The following C4BPB variants were observed in gnomAD, a reference collection of about 807,000 sequenced individuals.
The protein encoded by C4BPB is C4b-binding protein beta chain.
A neutral mutation model predicts 26.6 loss-of-function variants in C4BPB; 19 were observed. The ratio of observed to expected loss-of-function variants is 0.71; its 90% CI spans 0.50 to 1.05. The LOEUF is 1.05. Ranked by LOEUF, C4BPB falls within the 50% of genes least tolerant of loss-of-function variation. C4BPB has a pLI of 0.00. For missense variants in C4BPB, 282 were observed against 302.9 expected, an observed-to-expected ratio of 0.93 and a Z score of 0.51; for synonymous variants, 118 against 103.5, an observed-to-expected ratio of 1.14 and a Z score of -0.85.
chr1:207,091,877 T>G, intron 4 of C4BPB, 57 bp downstream of exon 4: 1 of 1,418,098 alleles, frequency 7.1e-7, no homozygotes, highest in South Asian at 1.4e-5. Flanking sequence ...AGTCTAAACT[T>G]AGACATTTGC....
At chr1:207,096,451 G>T (rs912905245) in intron 4 of C4BPB, 71 bp from the exon 5 acceptor site, 18 of 897,996 alleles carry the variant, frequency 2.0e-5, no homozygotes, top group Non-Finnish European at 3.2e-5. Flanking sequence ...ATAAACAGCT[G>T]CAATTAGGGG....
At chr1:207,095,174 G>A in intron 4 of C4BPB, 1 of 404,852 alleles carries the variant, frequency 2.5e-6, no homozygotes, top group South Asian at 1.9e-5. Context: ...CTGCTTATCT[G>A]ATAATATTAG....
At chr1:207,096,093 C>T (rs543518835) in intron 4 of C4BPB, 11 of 225,526 alleles carry the variant, frequency 4.9e-5, no homozygotes, top group Admixed American at 3.1e-4. Context: ...TTTCACAACT[C>T]TTATCCACAG....
At chr1:207,090,553 A>T in intron 3 of C4BPB, 72 bp downstream of exon 3, 3 of 1,375,514 alleles carry the variant, frequency 2.2e-6, no homozygotes, top group Non-Finnish European at 3.0e-6. Context: ...TACTTCCTAT[A>T]GGCTGTGGTA....
chr1:207,096,258 A>C, intron 4 of C4BPB: 1 of 422,344 alleles, frequency 2.4e-6, no homozygotes, highest in Middle Eastern at 6.8e-4. Context: ...TCCTGCTGTC[A>C]GATAATACTC....
chr1:207,098,336 C>A, intron 6 of C4BPB, 72 bp downstream of exon 6: 2 of 934,574 alleles, frequency 2.1e-6, no homozygotes, highest in Admixed American at 1.9e-5. Context: ...CTGGCATATG[C>A]TCAGTATATA....
chr1:207,095,867 C>T (rs1001096961), intron 4 of C4BPB: 10 of 181,806 alleles, frequency 5.5e-5, no homozygotes, highest in African/African-American at 1.7e-4. Context: ...CTCCCTCTCT[C>T]GTTCCTGCAC....
At chr1:207,096,360 AGGTTTC>A in intron 4 of C4BPB, 156 bp from the exon 5 acceptor site, 1 of 628,288 alleles carries the variant, frequency 1.6e-6, no homozygotes, top group Non-Finnish European at 2.9e-6. Flanking sequence ...AATGAAGAAC[AGGTTTC>A]CAGATCCCGC....
chr1:207,098,303 ATC>A (rs1358791116), intron 6 of C4BPB, 39 bp downstream of exon 6: 1 of 1,229,134 alleles, frequency 8.1e-7, no homozygotes, highest in South Asian at 1.2e-5. Flanking sequence ...TCACAGCTGG[ATC>A]TCCAGGGCCT....
At chr1:207,096,691 T>C in intron 5 of C4BPB, 76 bp downstream of exon 5, 2 of 781,920 alleles carry the variant, frequency 2.6e-6, no homozygotes, top group South Asian at 3.4e-5. Context: ...CCAGTCTGTG[T>C]CCACCTGGTC....
At chr1:207,098,128 C>T (rs367884428) in intron 5 of C4BPB, 22 bp from the exon 6 acceptor site, 1 of 1,587,452 alleles carries the variant, frequency 6.3e-7, no homozygotes, top group Non-Finnish European at 8.6e-7. Flanking sequence ...AAAAGCTAAG[C>T]CTTGTTCTAA....
chr1:207,096,488 T>G (rs1684255982), intron 4 of C4BPB, 34 bp from the exon 5 acceptor site: 2 of 1,333,172 alleles, frequency 1.5e-6, no homozygotes, highest in Admixed American at 3.4e-5. Flanking sequence ...TGCCTGGCCC[T>G]CATAACTATG....
chr1:207,093,885 T>A (rs1684140349), intron 4 of C4BPB, among the ~76,000 whole-genome samples: 1 of 151,866 alleles, frequency 6.6e-6, no homozygotes. Flanking sequence ...CCCCTAGAGA[T>A]CAGTAAGGAA....
At position 207,090,218 on chromosome 1, in the gene C4BPB, A is replaced by C. The variant is rs1683970450; in HGVS notation, c.59-90A>C. ...GCACAGGAATCAGGATCAATAATCC[A>C]GCAAAAAGACATGAGAATGGGGAAA... On this transcript the variant is annotated intron_variant, in intron 2 of 6. Coordinates refer to ENST00000367078, the MANE Select transcript of C4BPB (RefSeq NM_001017365.3). 8.7e-6 allele frequency: 9 copies of C among 1,035,070 alleles called. No individual in the cohort carries two copies. The South Asian group carries it at 1.5e-4, about 17-fold the overall frequency. The allele number at this position is 1,035,070 out of a possible 1,614,324, so 64.1% of individuals were successfully genotyped here. A position where few individuals can be genotyped will look rare whatever the true frequency, so the allele number is the denominator to read the frequency against.
At chr1:207,090,827 G>A (rs573355715) in intron 3 of C4BPB, among the ~76,000 whole-genome samples, 1 of 152,108 alleles carries the variant, frequency 6.6e-6, no homozygotes, top group Non-Finnish European at 1.5e-5. Context: ...ACAAACGACA[G>A]AAGAGTCAAA....
In C4BPB at chr1:207,091,774, T is replaced by A. The variant is rs1468823668; in HGVS notation, c.363T>A (p.Cys121Ter). The change falls in exon 4 of 7, where the codon TGT becomes TGA. Residue 121 changes from cysteine (C) to a stop codon, truncating the protein, a stop_gained. Transcript: ENST00000367078. LOFTEE classifies it high-confidence loss of function. ...YILKGSNRSQCLEDHTWAPPF... is the reference protein window; with the variant it reads ...YILKGSNRSQ ...TCAAGGGCAGCAATCGGAGCCAGTG[T>A]CTAGAGGACCACACCTGGGCACCTC... 1 of 1,614,156 alleles carries A rather than the reference T, an allele frequency of 6.2e-7. No homozygotes were observed.
At chr1:207,091,601 T>C (rs1255567454) in intron 3 of C4BPB, 43 bp from the exon 4 acceptor site, 1 of 1,568,978 alleles carries the variant, frequency 6.4e-7, no homozygotes, top group Non-Finnish European at 8.7e-7. Flanking sequence ...TGTGTTGGGC[T>C]TCAGCTTTGC....
At position 207,091,824 on chromosome 1, in the gene C4BPB, A is replaced by T; in HGVS notation, c.409+4A>T. The T allele has an allele frequency of 6.2e-7, 1 of 1,606,082 alleles. No homozygotes were observed. The highest frequency in any genetic ancestry group is 2.2e-5 in the East Asian group (1 of 44,780). ...CCCTTTCCCATCTGCAAAAGTAGTA[A>T]GTACAAGAGAAACCATCAAGGATCC... On this transcript the variant is annotated splice_donor_region_variant and intron_variant, in intron 4 of 6. Coordinates refer to ENST00000367078, the MANE Select transcript of C4BPB (RefSeq NM_001017365.3).
intron 4 of C4BPB, chr1:207,096,142 C>T (rs529920172): frequency 8.9e-5 from 22 of 246,536 alleles, no homozygotes; most frequent in Admixed American, 3.6e-4. Flanking sequence ...CGCTTCATCT[C>T]CTCTCTCAGG....
Sources: gnomAD v4.1 joint callset for allele counts (sites outside exome capture counted in the v4.1 genomes callset) on GRCh38, gnomAD v4.1.1 for gene constraint, MANE v1.5 for transcripts, NCBI Gene and HGNC (gene_info 2026-07-23, HGNC 2026-07-21) for gene names.